The following MAST4 variants were observed in gnomAD, a reference collection of about 807,000 sequenced individuals.
MAST4 encodes the protein microtubule-associated serine/threonine-protein kinase 4.
Under a neutral mutation model 162.7 loss-of-function variants are expected in MAST4, and 89 were observed. That is an observed-to-expected ratio of 0.55 (90% CI 0.46 to 0.65). The LOEUF (loss-of-function observed/expected upper bound fraction) is 0.65. Among genes scored for constraint, MAST4 ranks in the 30% least tolerant of loss-of-function variants. The pLI is 0.00. For missense variants in MAST4, 3,153 were observed against 3,374.0 expected, an observed-to-expected ratio of 0.93 and a Z score of 1.62; for synonymous variants, 1,479 against 1,361.1, an observed-to-expected ratio of 1.09 and a Z score of -1.91.
chr5:66,634,768 G>A (rs1415595153), intron 1 of MAST4, among the ~76,000 whole-genome samples: 2 of 152,226 alleles, frequency 1.3e-5, no homozygotes, highest in African/African-American at 2.4e-5. Flanking sequence ...GTGTGAGAAC[G>A]TTGGGCTGGG....
At chr5:66,894,720 C>T (rs1168853107) in intron 3 of MAST4, among the ~76,000 whole-genome samples, 1 of 152,206 alleles carries the variant, frequency 6.6e-6, no homozygotes, top group African/African-American at 2.4e-5. Flanking sequence ...GTGTACTGGA[C>T]ATTGCCACTC....
intron 1 of MAST4, among the ~76,000 whole-genome samples, chr5:66,702,065 T>A (rs1749812192): frequency 6.6e-6 from 1 of 152,238 alleles, no homozygotes. Flanking sequence ...GAGTGAGTGC[T>A]GCTCCCAGGA....
chr5:66,668,772 T>A (rs16895444), intron 1 of MAST4, among the ~76,000 whole-genome samples: 39,166 of 152,170 alleles, frequency 0.26, 5,200 homozygotes, highest in South Asian at 0.3. Flanking sequence ...GAACTGTCCA[T>A]GTTTGTGAAA....
intron 3 of MAST4, among the ~76,000 whole-genome samples, chr5:66,810,248 G>A (rs1188266484): frequency 6.6e-6 from 1 of 152,150 alleles, no homozygotes; most frequent in East Asian, 1.9e-4. Flanking sequence ...ATGATGGATG[G>A]TGTAACAAAT....
At chr5:66,845,126 T>TATATACACACACACACACAC (rs1358855625) in intron 3 of MAST4, among the ~76,000 whole-genome samples, 2 of 67,172 alleles carry the variant, frequency 3.0e-5, no homozygotes, top group African/African-American at 1.1e-4. Context: ...TATATATATA[T>TATATACACACACACACACAC]ACACACACAC....
At chr5:66,965,689 A>G (rs531814047) in intron 4 of MAST4, among the ~76,000 whole-genome samples, 78 of 152,174 alleles carry the variant, frequency 5.1e-4, no homozygotes, top group African/African-American at 1.7e-3. Flanking sequence ...ACTAGGACAT[A>G]GGATAGGTGA....
At chr5:66,944,863 T>G (rs1743833503) in intron 4 of MAST4, among the ~76,000 whole-genome samples, 1 of 152,118 alleles carries the variant, frequency 6.6e-6, no homozygotes, top group Non-Finnish European at 1.5e-5. Context: ...CTCTGATGCT[T>G]CCCCTTCTTT....
chr5:67,082,253 A>G (rs1376199866), intron 5 of MAST4, among the ~76,000 whole-genome samples: 1 of 149,188 alleles, frequency 6.7e-6, no homozygotes, highest in Non-Finnish European at 1.5e-5. Context: ...GGTGCAAGCG[A>G]TTCTTCTGCC....
At chr5:66,767,599 G>GAT (rs1037007303) in intron 2 of MAST4, among the ~76,000 whole-genome samples, 3 of 151,588 alleles carry the variant, frequency 2.0e-5, no homozygotes, top group Non-Finnish European at 2.9e-5. Flanking sequence ...GAACTAATAG[G>GAT]ATATATATAC....
intron 27 of MAST4, 40 bp downstream of exon 27, chr5:67,160,632 C>T (rs6861098): frequency 0.046 from 72,598 of 1,582,008 alleles, 1,862 homozygotes; most frequent in Non-Finnish European, 0.051. Flanking sequence ...TGGTGTATAC[C>T]TATGTTGGGG....
intron 1 of MAST4, among the ~76,000 whole-genome samples, chr5:66,709,595 G>C (rs1015556378): frequency 1.3e-5 from 2 of 152,138 alleles, no homozygotes; most frequent in Non-Finnish European, 2.9e-5. Context: ...GGGGTTATAA[G>C]CATGAGCCAC....
At chr5:66,620,932 T>TC (rs570002836) in intron 1 of MAST4, among the ~76,000 whole-genome samples, 161 of 152,084 alleles carry the variant, frequency 1.1e-3, no homozygotes, top group African/African-American at 3.7e-3. Flanking sequence ...AATGCAACTG[T>TC]CCCCCCTAAT....
intron 4 of MAST4, among the ~76,000 whole-genome samples, chr5:66,917,732 C>G (rs1405012739): frequency 1.3e-5 from 2 of 151,880 alleles, no homozygotes; most frequent in Non-Finnish European, 2.9e-5. Flanking sequence ...TTTCTGGACT[C>G]TCTATTCTAC....
intron 3 of MAST4, among the ~76,000 whole-genome samples, chr5:66,873,311 C>T (rs1374734480): frequency 6.6e-6 from 1 of 152,156 alleles, no homozygotes; most frequent in East Asian, 1.9e-4. Context: ...CAGTAAATGG[C>T]AAATGGAAAT....
intron 3 of MAST4, among the ~76,000 whole-genome samples, chr5:66,849,847 A>G (rs1759172390): frequency 6.6e-6 from 1 of 152,192 alleles, no homozygotes; most frequent in Non-Finnish European, 1.5e-5. Flanking sequence ...TATTTTTATA[A>G]TCAGGGCAGA....
intron 3 of MAST4, among the ~76,000 whole-genome samples, chr5:66,809,722 CA>C (rs1756385953): frequency 6.6e-6 from 1 of 152,074 alleles, no homozygotes; most frequent in African/African-American, 2.4e-5. Flanking sequence ...AAACTACGTA[CA>C]ATTAAAATAT....
At chr5:66,704,837 T>C (rs1231993605) in intron 1 of MAST4, among the ~76,000 whole-genome samples, 2 of 152,206 alleles carry the variant, frequency 1.3e-5, no homozygotes, top group African/African-American at 4.8e-5. Flanking sequence ...TCCTTCACTT[T>C]CCTCTTTCTT....
intron 1 of MAST4, among the ~76,000 whole-genome samples, chr5:66,691,046 T>C (rs2149495579): frequency 6.6e-6 from 1 of 152,294 alleles, no homozygotes; most frequent in African/African-American, 2.4e-5. Context: ...AACTTTATTG[T>C]CCTAATAACT....
intron 5 of MAST4, among the ~76,000 whole-genome samples, chr5:67,089,073 A>G (rs1329225354): frequency 6.6e-6 from 1 of 152,250 alleles, no homozygotes; most frequent in African/African-American, 2.4e-5. Flanking sequence ...ACTTTCATTA[A>G]GAAACCAGTA....
Sources: allele counts gnomAD v4.1 joint callset (sites outside exome capture counted in the v4.1 genomes callset), GRCh38; gene constraint gnomAD v4.1.1; transcripts MANE v1.5; gene names NCBI Gene and HGNC (gene_info 2026-07-23, HGNC 2026-07-21).